The following MTUS2 variants were observed in gnomAD, a reference collection of about 807,000 sequenced individuals.
MTUS2 encodes microtubule-associated tumor suppressor candidate 2.
Under a neutral mutation model 114.1 loss-of-function variants are expected in MTUS2, and 40 were observed. The observed-to-expected ratio is 0.35, with a 90% confidence interval of 0.27 to 0.46. The LOEUF (loss-of-function observed/expected upper bound fraction) is 0.46. Among genes scored for constraint, MTUS2 ranks in the 20% least tolerant of loss-of-function variants. The pLI, the probability that MTUS2 is intolerant of heterozygous loss-of-function variation, is 1.00. For missense variants in MTUS2, 1,679 were observed against 1,705.4 expected (o/e 0.98, Z 0.27); for synonymous variants, 688 against 672.0 (o/e 1.02, Z -0.37).
intron 5 of MTUS2, among the ~76,000 whole-genome samples, chr13:29,173,346 C>T (rs1300050135): frequency 6.6e-6 from 1 of 152,026 alleles, no homozygotes; most frequent in Admixed American, 6.6e-5. Context: ...TCACTTGTTT[C>T]GATTTTGAAG....
chr13:29,046,134 G>A (rs1159069263), intron 4 of MTUS2, among the ~76,000 whole-genome samples: 1 of 138,576 alleles, frequency 7.2e-6, no homozygotes, highest in South Asian at 2.2e-4. Context: ...TTTTTTTTGA[G>A]CCAGGGTCTT....
intron 5 of MTUS2, among the ~76,000 whole-genome samples, chr13:29,106,984 A>G (rs1316782367): frequency 6.6e-6 from 1 of 151,950 alleles, no homozygotes; most frequent in Non-Finnish European, 1.5e-5. Context: ...ACATTTTTCT[A>G]TGAGGGCTTT....
intron 4 of MTUS2, among the ~76,000 whole-genome samples, chr13:29,081,640 A>G (rs995030878): frequency 2.6e-5 from 4 of 151,284 alleles, no homozygotes; most frequent in Non-Finnish European, 4.4e-5. Flanking sequence ...TTTTGCACCA[A>G]CCTAATAGAT....
chr13:29,394,393 T>C (rs200820345), intron 8 of MTUS2, among the ~76,000 whole-genome samples: 2 of 152,230 alleles, frequency 1.3e-5, no homozygotes, highest in East Asian at 3.9e-4. Flanking sequence ...AGGTGGACGA[T>C]TGGCAATTGG....
At chr13:29,401,512 C>G (rs529761336) in intron 8 of MTUS2, among the ~76,000 whole-genome samples, 217 of 152,180 alleles carry the variant, frequency 1.4e-3, no homozygotes, top group African/African-American at 5.0e-3. Flanking sequence ...CATTTTGGCT[C>G]CATATGAAAT....
intron 5 of MTUS2, among the ~76,000 whole-genome samples, chr13:29,254,550 A>G (rs1252485045): frequency 6.6e-6 from 1 of 152,268 alleles, no homozygotes; most frequent in East Asian, 1.9e-4. Context: ...TGGGAAAGCT[A>G]GATGCCAGAA....
intron 4 of MTUS2, among the ~76,000 whole-genome samples, chr13:29,038,190 G>A (rs1215447871): frequency 6.6e-6 from 1 of 152,176 alleles, no homozygotes; most frequent in East Asian, 1.9e-4. Context: ...TCTTCAGATG[G>A]GACATCTTTT....
intron 6 of MTUS2, among the ~76,000 whole-genome samples, chr13:29,300,886 A>G (rs897527455): frequency 6.6e-6 from 1 of 152,226 alleles, no homozygotes; most frequent in African/African-American, 2.4e-5. Flanking sequence ...CGGCTTATAA[A>G]CAACGAACAT....
At position 29,258,415 on chromosome 13, in the gene MTUS2, T is replaced by C. The variant is rs138338211; in HGVS notation, c.2645-23289T>C. 5.8e-3 allele frequency among the ~76,000 whole-genome samples: 883 copies of C among 152,342 alleles called. 13 individuals are homozygous for C. Among genetic ancestry groups the C allele is most frequent in the Non-Finnish European group, 5.0e-3 (337 of 68,026 alleles). On this transcript the variant is annotated intron_variant, in intron 5 of 15. Transcript: ENST00000612955. ...AAATGCTGTGCTTTTCAAGGACTCA[T>C]GTGCTTAGGTCATCTCCCATTCTTA...
At chr13:28,919,636 T>C (rs762074417) in intron 2 of MTUS2, among the ~76,000 whole-genome samples, 1 of 152,184 alleles carries the variant, frequency 6.6e-6, no homozygotes. Flanking sequence ...ATTTCTCTTA[T>C]ATTATCCCTT....
intron 2 of MTUS2, among the ~76,000 whole-genome samples, chr13:28,911,213 G>T (rs1369322437): frequency 2.7e-5 from 3 of 111,462 alleles, no homozygotes; most frequent in East Asian, 2.8e-4. Flanking sequence ...GTCCTGCTCT[G>T]TCACCAGGCT....
chr13:29,354,192 TA>T lies in MTUS2; in HGVS notation c.2906-5069del, dbSNP rs1311269275. 2.0e-5 allele frequency among the ~76,000 whole-genome samples: 3 copies of T among 152,032 alleles called. No individual in the cohort carries two copies. In the East Asian group the frequency reaches 5.8e-4, roughly 29 times the overall value. ...ACTCTCAGGGATCACTGTGCTTCAATATCTATAGTTTAATGTCTTGAAAACC... is the reference window on the plus strand; with the variant it reads ...ACTCTCAGGGATCACTGTGCTTCAATTCTATAGTTTAATGTCTTGAAAACC... On this transcript the variant is annotated intron_variant, in intron 7 of 15. Coordinates refer to ENST00000612955, the MANE Select transcript of MTUS2 (RefSeq NM_001033602.4).
At chr13:28,899,946 G>A (rs554670049) in intron 2 of MTUS2, among the ~76,000 whole-genome samples, 7 of 151,824 alleles carry the variant, frequency 4.6e-5, no homozygotes, top group Non-Finnish European at 8.8e-5. Flanking sequence ...GGAGTGCAAC[G>A]GCAGGATCTC....
chr13:29,168,941 A>G (rs1437297927), intron 5 of MTUS2, among the ~76,000 whole-genome samples: 1 of 118,654 alleles, frequency 8.4e-6, no homozygotes, highest in African/African-American at 2.9e-5. Flanking sequence ...TAATGCCAGT[A>G]TCATTTCTAG....
At chr13:28,874,643 A>G (rs1336347986) in intron 2 of MTUS2, among the ~76,000 whole-genome samples, 1 of 152,180 alleles carries the variant, frequency 6.6e-6, no homozygotes, top group East Asian at 1.9e-4. Context: ...CAGAGAGCAA[A>G]CCGTCCAAGA....
intron 5 of MTUS2, among the ~76,000 whole-genome samples, chr13:29,261,733 C>G (rs1202719128): frequency 4.6e-5 from 7 of 152,294 alleles, no homozygotes; most frequent in African/African-American, 1.4e-4. Context: ...CCACACTAAG[C>G]ATATAATTAA....
intron 5 of MTUS2, among the ~76,000 whole-genome samples, chr13:29,142,459 T>C (rs1195413695): frequency 1.3e-5 from 2 of 152,070 alleles, no homozygotes; most frequent in Non-Finnish European, 2.9e-5. Context: ...ATCCCAGAAC[T>C]TTGGAAGGCT....
chr13:29,225,925 CTG>C (rs1353392620), intron 5 of MTUS2, among the ~76,000 whole-genome samples: 1 of 152,078 alleles, frequency 6.6e-6, no homozygotes, highest in Non-Finnish European at 1.5e-5. Context: ...CTTTAGTAAA[CTG>C]TGTATGTTCA....
chr13:29,214,848 T>C (rs1418708799), intron 5 of MTUS2, among the ~76,000 whole-genome samples: 5 of 152,190 alleles, frequency 3.3e-5, no homozygotes, highest in Non-Finnish European at 5.9e-5. Flanking sequence ...TTGGGGTTGC[T>C]CTTCTCGAGG....
Sources: allele counts gnomAD v4.1 joint callset (sites outside exome capture counted in the v4.1 genomes callset), GRCh38; gene constraint gnomAD v4.1.1; transcripts MANE v1.5; gene names NCBI Gene and HGNC (gene_info 2026-07-23, HGNC 2026-07-21).